Variants in DAO observed in about 807,000 individuals in gnomAD.
The protein encoded by DAO is D-amino acid oxidase.
In DAO, 51 loss-of-function variants were observed where a neutral mutation model predicts 50.1. That is an observed-to-expected ratio of 1.02 (90% CI 0.81 to 1.29). DAO has a LOEUF of 1.29. Ranked by LOEUF, DAO falls within the 50% of genes most tolerant of loss-of-function variation. The probability of loss-of-function intolerance (pLI) is 0.00; values close to 1 mark genes in which losing one functional copy is unlikely to be tolerated. For missense variants in DAO, 436 were observed against 439.4 expected (o/e 0.99, Z 0.07); for synonymous variants, 160 against 166.2 (o/e 0.96, Z 0.29).
Position 108,900,502 on chromosome 12 carries a change from G to A in DAO, c.1011G>A (p.Lys337=), listed in dbSNP as rs1267670281. ...AKLFGRILEE[K]KLSRMPPSHL ...TCTTTGGGAGAATCCTGGAAGAAAAGAAATTGTCCAGAATGCCACCATCCC... is the reference window on the plus strand; with the variant it reads ...TCTTTGGGAGAATCCTGGAAGAAAAAAAATTGTCCAGAATGCCACCATCCC... Residue 337 remains lysine, a synonymous_variant, in exon 11 of 11, where the codon AAG becomes AAA. Transcript: ENST00000228476. 20 of 1,614,028 alleles carry A rather than the reference G, an allele frequency of 1.2e-5. No homozygotes were observed. The highest frequency in any genetic ancestry group is 1.6e-5 in the Non-Finnish European group (19 of 1,179,996).
At chr12:108,883,392 C>T (rs751700201) in intron 1 of DAO, among the ~76,000 whole-genome samples, 11 of 152,180 alleles carry the variant, frequency 7.2e-5, no homozygotes, top group Non-Finnish European at 1.0e-4. Flanking sequence ...GTGATCCACC[C>T]GCCTCGGCCT....
rs75492518 is a variant in DAO at position 108,891,517 on chromosome 12, T to G, written c.452+1244T>G. On this transcript the variant is annotated intron_variant, in intron 5 of 10. Transcript: ENST00000228476. Reference sequence around the variant, plus strand: ...GCTTTTATCAGATGACCTCAGAAGATTTTTTTTAAATGTAGATTTTAGGAC... The same window carrying G: ...GCTTTTATCAGATGACCTCAGAAGAGTTTTTTTAAATGTAGATTTTAGGAC... Among the ~76,000 whole-genome samples the G allele has an allele frequency of 6.3e-3, 951 of 152,006 alleles. 10 individuals are homozygous for G. Among genetic ancestry groups the G allele is most frequent in the African/African-American group, 0.021 (864 of 41,472 alleles).
Position 108,887,451 on chromosome 12 carries a change from G to T in DAO, c.196G>T (p.Asp66Tyr), listed in dbSNP as rs772752305. ...LSDPNNPQEA[D>Y]WSQQTFDYLL... ...TCGAACTCTTCATGACCCTTCCAGG[G>T]ACTGGAGCCAACAGACCTTTGACTA... is the stretch of plus-strand genomic sequence containing the variant. The change falls in exon 3 of 11, where the codon GAC becomes TAC. Residue 66 changes from aspartate to tyrosine, a missense_variant and splice_region_variant. Asp to Tyr is a radical substitution (Grantham distance 160). Transcript: ENST00000228476. 2.9e-5 allele frequency: 47 copies of T among 1,612,738 alleles called. No individual in the cohort carries two copies. The highest frequency in any genetic ancestry group is 4.0e-5 in the Non-Finnish European group (47 of 1,178,954).
chr12:108,894,152 T>C lies in DAO; in HGVS notation c.508-111T>C, dbSNP rs561013411. 14 of 833,334 alleles carry C rather than the reference T, an allele frequency of 1.7e-5. No homozygotes were observed. The African/African-American group carries it at 2.4e-4, about 14-fold the overall frequency. The allele number at this position is 833,334 out of a possible 1,614,324, so 51.6% of individuals were successfully genotyped here. ...ATTCCTCATTGAGACCTCTCCCCAC[T>C]GTTCATCAGGGAGTAGACAGATTGA... On this transcript the variant is annotated intron_variant, in intron 6 of 10. Coordinates refer to ENST00000228476, the MANE Select transcript of DAO (RefSeq NM_001917.5).
intron 5 of DAO, among the ~76,000 whole-genome samples, chr12:108,890,730 A>G (rs2039482027): frequency 1.3e-5 from 2 of 152,170 alleles, no homozygotes; most frequent in Middle Eastern, 3.2e-3. Flanking sequence ...TGTTAATAGG[A>G]ATCTTGCAGT....
intron 5 of DAO, among the ~76,000 whole-genome samples, chr12:108,891,257 T>C (rs766713403): frequency 8.5e-5 from 13 of 152,080 alleles, no homozygotes; most frequent in Non-Finnish European, 1.5e-4. Context: ...AAGACCAGCC[T>C]GGGCAACATG....
intron 8 of DAO, among the ~76,000 whole-genome samples, chr12:108,897,438 G>C (rs2039571984): frequency 6.6e-6 from 1 of 151,956 alleles, no homozygotes; most frequent in South Asian, 2.1e-4. Flanking sequence ...GGCTGGTCTT[G>C]AACTCCTGAC....
intron 9 of DAO, among the ~76,000 whole-genome samples, chr12:108,899,156 G>T (rs886631167): frequency 1.3e-5 from 2 of 152,128 alleles, no homozygotes; most frequent in African/African-American, 4.8e-5. Flanking sequence ...GATGGTGAGG[G>T]TAGTGGTTGA....
chr12:108,896,686 G>T (rs2039564311), intron 7 of DAO, among the ~76,000 whole-genome samples: 1 of 152,066 alleles, frequency 6.6e-6, no homozygotes, highest in African/African-American at 2.4e-5. Context: ...GCCAAGAGGG[G>T]GTCTGTTCAG....
chr12:108,881,474 AACACACACACACACAC>A (rs59694062), intron 1 of DAO, among the ~76,000 whole-genome samples: 14 of 138,498 alleles, frequency 1.0e-4, no homozygotes, highest in Non-Finnish European at 2.2e-4. Context: ...TGTATTTTAA[AACACACACACACACAC>A]ACACACACAC....
At chr12:108,889,445 G>A (rs749004412) in intron 3 of DAO, 24 bp from the exon 4 acceptor site, 17 of 1,567,176 alleles carry the variant, frequency 1.1e-5, no homozygotes, top group Non-Finnish European at 1.3e-5. Context: ...CCCACCCAGT[G>A]CCCCCTTTGT....
At position 108,890,261 on chromosome 12, in the gene DAO, G is replaced by C; in HGVS notation, c.440G>C (p.Trp147Ser). The C allele has an allele frequency of 6.2e-7, 1 of 1,613,490 alleles. No homozygotes were observed. The highest frequency in any genetic ancestry group is 2.2e-5 in the East Asian group (1 of 44,868). Residue 147 changes from tryptophan to serine, a missense_variant, in exon 5 of 11, where the codon TGG becomes TCG. By Grantham distance (177) the Trp-to-Ser change is radical (BLOSUM62 -3). Coordinates refer to ENST00000228476, the MANE Select transcript of DAO (RefSeq NM_001917.5). ...LILEGKNYLQ[W>S]LTERLTERGV... ...CTGGAGGGAAAGAACTATCTACAGT[G>C]GCTGACTGAAAGGTGAGATTTTAAG...
At chr12:108,891,057 G>A (rs552878440) in intron 5 of DAO, among the ~76,000 whole-genome samples, 20 of 152,216 alleles carry the variant, frequency 1.3e-4, no homozygotes, top group South Asian at 2.1e-4. Context: ...TCCTGACCTC[G>A]TAATCTGCCC....
intron 1 of DAO, among the ~76,000 whole-genome samples, chr12:108,881,527 T>A (rs2039379422): frequency 6.7e-6 from 1 of 150,374 alleles, no homozygotes; most frequent in Non-Finnish European, 1.5e-5. Context: ...ATAATCAGTG[T>A]CAACTTTGAC....
chr12:108,895,352 CATGTGTGTGA>C (rs375561238), intron 7 of DAO, among the ~76,000 whole-genome samples: 1,099 of 107,772 alleles, frequency 0.01, 17 homozygotes, highest in African/African-American at 0.042. Context: ...GGTGTGTGTG[CATGTGTGTGA>C]GGGTGTGTGC....
chr12:108,885,235 C>T lies in DAO; in HGVS notation c.194+35C>T, dbSNP rs751274498. On this transcript the variant is annotated intron_variant, in intron 2 of 10. Transcript: ENST00000228476. ...GGTCACATAGGGTAGCCTGGGGTGC[C>T]CATGGACCTAAGTCTGCAGAGGGAG... is the stretch of plus-strand genomic sequence containing the variant. 18 of 1,598,990 alleles carry T rather than the reference C, an allele frequency of 1.1e-5. No individual in the cohort carries two copies. In the East Asian group the frequency reaches 3.3e-4, roughly 30 times the overall value.
chr12:108,895,711 GTA>G (rs2039546460), intron 7 of DAO, among the ~76,000 whole-genome samples: 1 of 149,428 alleles, frequency 6.7e-6, no homozygotes, highest in African/African-American at 2.5e-5. Context: ...TGTGTGAGGG[GTA>G]TATGTGTGGA....
chr12:108,898,947 C>A, intron 9 of DAO, 151 bp downstream of exon 9: 1 of 708,800 alleles, frequency 1.4e-6, no homozygotes, highest in Admixed American at 2.0e-5. Context: ...TGATAATGTA[C>A]AGGGAAGTTC....
In DAO at chr12:108,900,860, T is replaced by G. The variant is rs372376808; in HGVS notation, c.*325T>G. On this transcript the variant is annotated 3_prime_UTR_variant, in exon 11 of 11. Transcript: ENST00000228476. ...AGAGCCACAGAAAATGGAGGATAAT[T>G]GAGGCTAAGTAACCTGATTACAAGT... The G allele has an allele frequency of 6.9e-5, 24 of 346,846 alleles. No homozygotes were observed. Among genetic ancestry groups the G allele is most frequent in the East Asian group, 5.1e-4 (7 of 13,678 alleles). 21.5% of individuals were successfully genotyped at this position (346,846 alleles called of 1,614,324 possible).
Sources: allele counts gnomAD v4.1 joint callset (sites outside exome capture counted in the v4.1 genomes callset), GRCh38; gene constraint gnomAD v4.1.1; transcripts MANE v1.5; gene names NCBI Gene and HGNC (gene_info 2026-07-23, HGNC 2026-07-21).